The following SMARCA5 variants were observed in gnomAD, a reference collection of about 807,000 sequenced individuals.
The protein encoded by SMARCA5 is SNF2 related chromatin remodeling ATPase 5.
In SMARCA5, 18 loss-of-function variants were observed where a neutral mutation model predicts 140.4. The ratio of observed to expected loss-of-function variants is 0.13; its 90% CI spans 0.09 to 0.19. The LOEUF (loss-of-function observed/expected upper bound fraction) is 0.19. Among genes scored for constraint, SMARCA5 ranks in the 10% least tolerant of loss-of-function variants. The pLI, the probability that SMARCA5 is intolerant of heterozygous loss-of-function variation, is 1.00. For missense variants in SMARCA5, 606 were observed against 1,276.8 expected, an observed-to-expected ratio of 0.47 and a Z score of 8.01; for synonymous variants, 449 against 419.6, an observed-to-expected ratio of 1.07 and a Z score of -0.86.
At position 143,534,847 on chromosome 4, in the gene SMARCA5, T is replaced by G; in HGVS notation, c.1159-8T>G. ...TGGTATTACCTGTTTATTTTTGTCC[T>G]TTTTAAGGTTTTGCGTCCATTCCTC... is the stretch of plus-strand genomic sequence containing the variant. On this transcript the variant is annotated splice_polypyrimidine_tract_variant and splice_region_variant and intron_variant, in intron 9 of 23. Transcript: ENST00000283131. 6.2e-7 allele frequency: 1 copy of G among 1,603,922 alleles called. No homozygotes were observed. The highest frequency in any genetic ancestry group is 8.5e-7 in the Non-Finnish European group (1 of 1,174,138).
At chr4:143,535,292 C>A (rs1737280237) in intron 10 of SMARCA5, among the ~76,000 whole-genome samples, 1 of 152,054 alleles carries the variant, frequency 6.6e-6, no homozygotes, top group African/African-American at 2.4e-5. Flanking sequence ...ATATATGGTT[C>A]ACTTATAGTT....
intron 3 of SMARCA5, among the ~76,000 whole-genome samples, chr4:143,523,021 T>A (rs78888435): frequency 1.2e-4 from 18 of 152,114 alleles, no homozygotes; most frequent in African/African-American, 3.9e-4. Context: ...AATACATTTT[T>A]TTAAATCTTT....
At chr4:143,545,629 A>G (rs375637179) in intron 18 of SMARCA5, 46 bp downstream of exon 18, 1 of 1,129,696 alleles carries the variant, frequency 8.9e-7, no homozygotes, top group Non-Finnish European at 1.3e-6. Context: ...TCCAGAAATT[A>G]TGGAAGGTAT....
intron 19 of SMARCA5, among the ~76,000 whole-genome samples, chr4:143,546,299 C>T (rs577160101): frequency 4.6e-5 from 7 of 152,056 alleles, no homozygotes; most frequent in African/African-American, 1.7e-4. Flanking sequence ...TTGAATGTTC[C>T]CGTCTTTCCT....
intron 19 of SMARCA5, among the ~76,000 whole-genome samples, chr4:143,546,260 A>G (rs896265417): frequency 6.6e-6 from 1 of 152,190 alleles, no homozygotes; most frequent in African/African-American, 2.4e-5. Context: ...CTGGCTCGGT[A>G]GAGTGGGTAT....
Position 143,513,782 on chromosome 4 carries a change from G to A in SMARCA5, c.-143G>A. ...CTGGGCCCGGCTCAGGCCCGTCGCG[G>A]AGGCGCGGCGCAGGGGAGCGCTCGG... is the stretch of plus-strand genomic sequence containing the variant. On this transcript the variant is annotated 5_prime_UTR_variant, in exon 1 of 24. Transcript: ENST00000283131. 1 of 940,118 alleles carries A rather than the reference G, an allele frequency of 1.1e-6. No homozygotes were observed. Among genetic ancestry groups the A allele is most frequent in the Non-Finnish European group, 1.6e-6 (1 of 641,720 alleles). 58.2% of individuals were successfully genotyped at this position (940,118 alleles called of 1,614,324 possible).
At chr4:143,548,613 A>G (rs1186910478) in intron 22 of SMARCA5, among the ~76,000 whole-genome samples, 1 of 152,076 alleles carries the variant, frequency 6.6e-6, no homozygotes, top group Non-Finnish European at 1.5e-5. Context: ...TATCTGACTA[A>G]CAGTTTCTGA....
intron 8 of SMARCA5, among the ~76,000 whole-genome samples, chr4:143,529,009 A>C (rs1737128861): frequency 6.6e-6 from 1 of 152,036 alleles, no homozygotes; most frequent in Admixed American, 6.6e-5. Flanking sequence ...ATCTTGGCTC[A>C]CTGCAGCCTC....
At position 143,513,984 on chromosome 4, in the gene SMARCA5, C is replaced by T; in HGVS notation, c.60C>T (p.Pro20=). The change falls in exon 1 of 24, where the codon CCC becomes CCT. Residue 20 remains proline (P), a synonymous_variant. Coordinates refer to ENST00000283131, the MANE Select transcript of SMARCA5 (RefSeq NM_003601.4). ...PPPPESAPSK[P]AASIASGGSN... ...CTCCCGAGAGCGCGCCTTCCAAGCC[C>T]GCAGCCTCGATCGCCAGCGGCGGGA... The T allele has an allele frequency of 1.9e-6, 3 of 1,562,078 alleles. No individual in the cohort carries two copies. The highest frequency in any genetic ancestry group is 2.6e-6 in the Non-Finnish European group (3 of 1,161,690).
chr4:143,532,301 G>A lies in SMARCA5; in HGVS notation c.1158+1775G>A, dbSNP rs144968591. Reference sequence around the variant, plus strand: ...GTGGAGTGTATATGTAATCTTGGGGGTAGAAAAGGAGGCAGAAGAACATGA... The same window carrying A: ...GTGGAGTGTATATGTAATCTTGGGGATAGAAAAGGAGGCAGAAGAACATGA... On this transcript the variant is annotated intron_variant, in intron 9 of 23. Transcript: ENST00000283131. Among the ~76,000 whole-genome samples, 806 of 152,224 alleles carry A rather than the reference G, an allele frequency of 5.3e-3. 4 individuals carry two copies. The highest frequency in any genetic ancestry group is 0.019 in the African/African-American group (779 of 41,528).
At chr4:143,518,100 T>C (rs1409626321) in intron 2 of SMARCA5, among the ~76,000 whole-genome samples, 1 of 152,126 alleles carries the variant, frequency 6.6e-6, no homozygotes, top group Non-Finnish European at 1.5e-5. Flanking sequence ...ACTCTGCTAG[T>C]TACCAAAAAA....
chr4:143,517,456 C>CTA (rs778105720), intron 2 of SMARCA5, 27 bp downstream of exon 2: 1 of 1,462,832 alleles, frequency 6.8e-7, no homozygotes, highest in African/African-American at 1.4e-5. Context: ...TGAATAGAGT[C>CTA]TATAAGGAAA....
At chr4:143,528,534 A>T (rs373988664) in intron 7 of SMARCA5, 49 bp from the exon 8 acceptor site, 1 of 1,551,516 alleles carries the variant, frequency 6.4e-7, no homozygotes, top group African/African-American at 1.4e-5. Flanking sequence ...GTTGTAGATA[A>T]TGCAATATGC....
chr4:143,533,101 C>A (rs1281012399), intron 9 of SMARCA5, among the ~76,000 whole-genome samples: 3 of 152,180 alleles, frequency 2.0e-5, no homozygotes, highest in Non-Finnish European at 4.4e-5. Context: ...TTAAAACTTA[C>A]TGTTCTATGA....
chr4:143,550,667 A>G (rs1737624966), intron 23 of SMARCA5, among the ~76,000 whole-genome samples: 1 of 151,946 alleles, frequency 6.6e-6, no homozygotes, highest in African/African-American at 2.4e-5. Flanking sequence ...AGCTCCCACA[A>G]ATAAGTGAGA....
chr4:143,551,977 G>T lies in SMARCA5; in HGVS notation c.3094-1142G>T, dbSNP rs569321917. Among the ~76,000 whole-genome samples the T allele has an allele frequency of 2.6e-5, 4 of 151,972 alleles. No individual in the cohort carries two copies. The East Asian group carries it at 7.7e-4, about 29-fold the overall frequency. ...TGTCATGGGTATTTTGATAAGGATT[G>T]CATTGAATCTGTGGATTGCTTTGGG... On this transcript the variant is annotated intron_variant, in intron 23 of 23. Coordinates refer to ENST00000283131, the MANE Select transcript of SMARCA5 (RefSeq NM_003601.4).
chr4:143,542,277 T>C (rs1486558414), intron 14 of SMARCA5, among the ~76,000 whole-genome samples: 2 of 152,236 alleles, frequency 1.3e-5, no homozygotes, highest in African/African-American at 4.8e-5. Context: ...TTCAGGCTAA[T>C]AGCTTTCTTG....
Position 143,553,385 on chromosome 4 carries a change from T to C in SMARCA5, c.*201T>C, listed in dbSNP as rs1737683705. 1 of 462,004 alleles carries C rather than the reference T, an allele frequency of 2.2e-6. No homozygotes were observed. Among genetic ancestry groups the C allele is most frequent in the Non-Finnish European group, 3.9e-6 (1 of 256,838 alleles). The allele number at this position is 462,004 out of a possible 1,614,324, so 28.6% of individuals were successfully genotyped here. ...GCTGAAATTTTTTTATCATTAACAC[T>C]TGAAGTAATAAAATAGGCTTCATTT... On this transcript the variant is annotated 3_prime_UTR_variant, in exon 24 of 24. Coordinates refer to ENST00000283131, the MANE Select transcript of SMARCA5 (RefSeq NM_003601.4).
At chr4:143,522,039 T>C (rs968418459) in intron 3 of SMARCA5, among the ~76,000 whole-genome samples, 38 of 152,020 alleles carry the variant, frequency 2.5e-4, no homozygotes, top group African/African-American at 8.5e-4. Context: ...AATGCAGAGG[T>C]TAAGTGGCTT....
Sources: gnomAD v4.1 joint callset for allele counts (sites outside exome capture counted in the v4.1 genomes callset) on GRCh38, gnomAD v4.1.1 for gene constraint, MANE v1.5 for transcripts, NCBI Gene and HGNC (gene_info 2026-07-23, HGNC 2026-07-21) for gene names.